The following VPS13B variants were observed in gnomAD, a reference collection of about 807,000 sequenced individuals.
The protein encoded by VPS13B is intermembrane lipid transfer protein VPS13B.
A neutral mutation model predicts 426.4 loss-of-function variants in VPS13B; 285 were observed. The ratio of observed to expected loss-of-function variants is 0.67; its 90% CI spans 0.61 to 0.74. VPS13B has a LOEUF of 0.74. VPS13B is among the 30% of genes least tolerant of loss of function. The pLI is 0.00. For missense variants in VPS13B, 4,537 were observed against 4,782.6 expected, an observed-to-expected ratio of 0.95 and a Z score of 1.51; for synonymous variants, 1,676 against 1,676.4, an observed-to-expected ratio of 1.00 and a Z score of 0.01.
chr8:99,455,403 A>G (rs1818401030), intron 23 of VPS13B, among the ~76,000 whole-genome samples: 2 of 152,134 alleles, frequency 1.3e-5, no homozygotes, highest in Admixed American at 6.6e-5. Context: ...GAAACTTACA[A>G]TTATGGCAGA....
At chr8:99,453,372 A>G (rs554122764) in intron 23 of VPS13B, among the ~76,000 whole-genome samples, 1 of 152,354 alleles carries the variant, frequency 6.6e-6, no homozygotes, top group East Asian at 1.9e-4. Context: ...AAGGAAGCTC[A>G]GAAACTAACT....
chr8:99,049,120 T>C (rs1843387377), intron 3 of VPS13B, among the ~76,000 whole-genome samples: 1 of 152,222 alleles, frequency 6.6e-6, no homozygotes, highest in Admixed American at 6.5e-5. Context: ...TGCAATTCTT[T>C]ATCTTTTAAG....
chr8:99,330,720 A>G (rs770580876), intron 19 of VPS13B, among the ~76,000 whole-genome samples: 1 of 151,810 alleles, frequency 6.6e-6, no homozygotes, highest in Admixed American at 6.6e-5. Context: ...ACCACTGGCT[A>G]CCTCAAGAAG....
intron 31 of VPS13B, among the ~76,000 whole-genome samples, chr8:99,569,082 A>G (rs1019053745): frequency 3.3e-5 from 5 of 151,882 alleles, no homozygotes; most frequent in Admixed American, 6.6e-5. Context: ...TCGGCCTCCC[A>G]AAGTGCTGGG....
At chr8:99,569,039 G>A (rs1435369140) in intron 31 of VPS13B, among the ~76,000 whole-genome samples, 1 of 151,342 alleles carries the variant, frequency 6.6e-6, no homozygotes, top group Non-Finnish European at 1.5e-5. Context: ...AGCCAGGATG[G>A]TCTCGATCTC....
intron 15 of VPS13B, among the ~76,000 whole-genome samples, chr8:99,162,340 A>G (rs1047537585): frequency 7.9e-5 from 12 of 152,334 alleles, no homozygotes; most frequent in Admixed American, 3.9e-4. Flanking sequence ...ATAATTTTCA[A>G]TTAAGTACTT....
At chr8:99,474,986 A>C (rs1264083307) in intron 24 of VPS13B, among the ~76,000 whole-genome samples, 1 of 152,192 alleles carries the variant, frequency 6.6e-6, no homozygotes, top group Non-Finnish European at 1.5e-5. Flanking sequence ...TGGCCTACTC[A>C]TACCAAGGTA....
chr8:99,359,723 C>A (rs1361771781), intron 19 of VPS13B, among the ~76,000 whole-genome samples: 1 of 152,224 alleles, frequency 6.6e-6, no homozygotes, highest in Non-Finnish European at 1.5e-5. Flanking sequence ...AGTAATTATA[C>A]ATTGAGTAGT....
At chr8:99,260,791 G>T (rs1333778297) in intron 17 of VPS13B, among the ~76,000 whole-genome samples, 4 of 151,916 alleles carry the variant, frequency 2.6e-5, no homozygotes, top group Non-Finnish European at 5.9e-5. Context: ...ACCAAACTCT[G>T]TCCCCTTCCA....
intron 33 of VPS13B, among the ~76,000 whole-genome samples, chr8:99,626,752 A>C (rs1828629662): frequency 6.6e-6 from 1 of 152,206 alleles, no homozygotes; most frequent in Non-Finnish European, 1.5e-5. Flanking sequence ...TAAAAATAGA[A>C]CTATCATGTG....
At chr8:99,520,867 G>A (rs761635805) in intron 29 of VPS13B, 32 bp from the exon 30 acceptor site, 2 of 1,550,938 alleles carry the variant, frequency 1.3e-6, no homozygotes, top group Non-Finnish European at 1.8e-6. Context: ...CAGATCCACA[G>A]TGTATTCATG....
At chr8:99,330,947 A>G (rs1010559153) in intron 19 of VPS13B, among the ~76,000 whole-genome samples, 1 of 151,840 alleles carries the variant, frequency 6.6e-6, no homozygotes, top group Non-Finnish European at 1.5e-5. Flanking sequence ...AGTCTCTTAA[A>G]GAAAATTCCT....
rs80150037 is a variant in VPS13B at position 99,442,862 on chromosome 8, A to G, written c.3445+227A>G. On this transcript the variant is annotated intron_variant, in intron 23 of 61. Transcript: ENST00000357162. ...TGTAAAAGATCATATGCAATATAATATAATCATTAAAATGTAAACGTAGGA... is the reference window on the plus strand; with the variant it reads ...TGTAAAAGATCATATGCAATATAATGTAATCATTAAAATGTAAACGTAGGA... Among the ~76,000 whole-genome samples the G allele has an allele frequency of 8.8e-3, 1,339 of 152,258 alleles. 21 individuals are homozygous for G. Among genetic ancestry groups the G allele is most frequent in the African/African-American group, 0.029 (1,210 of 41,566 alleles).
chr8:99,806,029 C>T (rs1813378587), intron 43 of VPS13B, among the ~76,000 whole-genome samples: 1 of 152,168 alleles, frequency 6.6e-6, no homozygotes, highest in Admixed American at 6.5e-5. Context: ...TTGCTTTCCT[C>T]TCCCCTGTAT....
intron 24 of VPS13B, among the ~76,000 whole-genome samples, chr8:99,470,071 C>G (rs1170120137): frequency 6.6e-6 from 1 of 152,110 alleles, no homozygotes; most frequent in African/African-American, 2.4e-5. Context: ...AACTTTGAGA[C>G]AATATGTTTC....
At chr8:99,334,895 C>T (rs1810740712) in intron 19 of VPS13B, among the ~76,000 whole-genome samples, 1 of 152,088 alleles carries the variant, frequency 6.6e-6, no homozygotes, top group African/African-American at 2.4e-5. Context: ...GGAGGATTCC[C>T]TCTTTTTCTG....
At chr8:99,191,386 T>C (rs955933621) in intron 16 of VPS13B, among the ~76,000 whole-genome samples, 3 of 136,952 alleles carry the variant, frequency 2.2e-5, no homozygotes, top group African/African-American at 8.2e-5. Flanking sequence ...CTTTTTTTTT[T>C]TTTTTTTTTT....
rs542420038 is a variant in VPS13B at position 99,165,789 on chromosome 8, G to C, written c.2209-4250G>C. Among the ~76,000 whole-genome samples the C allele has an allele frequency of 2.6e-5, 4 of 152,208 alleles. No homozygotes were observed. In the East Asian group the frequency reaches 5.8e-4, roughly 22 times the overall value. ...ATTTTCAGTGTATACCCTCCAGCAGGGGTCAGCAAAATTTTGCCTACAGGC... is the reference window on the plus strand; with the variant it reads ...ATTTTCAGTGTATACCCTCCAGCAGCGGTCAGCAAAATTTTGCCTACAGGC... On this transcript the variant is annotated intron_variant, in intron 15 of 61. Transcript: ENST00000357162.
At chr8:99,455,967 G>A (rs561490259) in intron 23 of VPS13B, among the ~76,000 whole-genome samples, 2 of 152,192 alleles carry the variant, frequency 1.3e-5, no homozygotes, top group Non-Finnish European at 2.9e-5. Context: ...ATCATTGATA[G>A]AGTCTTTAGA....
Sources: gnomAD v4.1 joint callset for allele counts (sites outside exome capture counted in the v4.1 genomes callset) on GRCh38, gnomAD v4.1.1 for gene constraint, MANE v1.5 for transcripts, NCBI Gene and HGNC (gene_info 2026-07-23, HGNC 2026-07-21) for gene names.